UGT1A4: variants seen among roughly 807,000 people sequenced by gnomAD.
UGT1A4 encodes UDP-glucuronosyltransferase 1A4.
Under a neutral mutation model 41.1 loss-of-function variants are expected in UGT1A4, and 32 were observed. The ratio of observed to expected loss-of-function variants is 0.78; its 90% CI spans 0.59 to 1.05. The LOEUF (loss-of-function observed/expected upper bound fraction) is 1.05, where lower values mean the gene tolerates loss of function less well. Among genes scored for constraint, UGT1A4 ranks in the 50% least tolerant of loss-of-function variants. The probability of loss-of-function intolerance (pLI) is 0.00; values close to 1 mark genes in which losing one functional copy is unlikely to be tolerated. For synonymous variants in UGT1A4, 283 were observed against 265.1 expected (o/e 1.07, Z -0.66); for missense variants, 748 against 677.4 (o/e 1.10, Z -1.16).
intron 1 of UGT1A4, among the ~76,000 whole-genome samples, chr2:233,727,867 C>G (rs1213003028): frequency 6.6e-6 from 1 of 152,194 alleles, no homozygotes; most frequent in Non-Finnish European, 1.5e-5. Context: ...AGGGAAGCCT[C>G]AGCCTCACCA....
chr2:233,767,305 G>GT (rs1444114295), intron 2 of UGT1A4, 140 bp downstream of exon 2: 37 of 1,518,952 alleles, frequency 2.4e-5, no homozygotes, highest in Admixed American at 1.8e-4. Flanking sequence ...TAATCCAAAG[G>GT]TTTTTTTTGT....
intron 1 of UGT1A4, chr2:233,729,151 C>T (rs780105483): frequency 1.2e-6 from 2 of 1,613,562 alleles, no homozygotes; most frequent in Non-Finnish European, 1.7e-6. Flanking sequence ...CCAGGTTCCC[C>T]TGCCGTGGCT....
intron 1 of UGT1A4, among the ~76,000 whole-genome samples, chr2:233,757,815 T>G (rs4399719): frequency 0.55 from 83,125 of 151,008 alleles, 25,001 homozygotes; most frequent in African/African-American, 0.81. Context: ...AAGGAGCTGG[T>G]AGTGTGTCTG....
intron 1 of UGT1A4, among the ~76,000 whole-genome samples, chr2:233,725,821 C>A (rs539043727): frequency 6.6e-6 from 1 of 152,130 alleles, no homozygotes; most frequent in South Asian, 2.1e-4. Flanking sequence ...TATTGGATAC[C>A]AGTATTGCTA....
chr2:233,740,156 C>T (rs578012287), intron 1 of UGT1A4, among the ~76,000 whole-genome samples: 1 of 151,870 alleles, frequency 6.6e-6, no homozygotes, highest in Non-Finnish European at 1.5e-5. Context: ...GAGGCCTCCC[C>T]AGTCATGTGG....
At chr2:233,729,623 C>T (rs142986334) in intron 1 of UGT1A4, 391 of 1,613,794 alleles carry the variant, frequency 2.4e-4, no homozygotes, top group Non-Finnish European at 3.1e-4. Context: ...AAGTACCTGT[C>T]GATTCCTACT....
intron 1 of UGT1A4, among the ~76,000 whole-genome samples, chr2:233,730,802 A>T (rs1344398093): frequency 1.3e-5 from 2 of 152,196 alleles, no homozygotes; most frequent in Non-Finnish European, 2.9e-5. Flanking sequence ...ATGAATGGAC[A>T]TGCGTCCAAG....
At chr2:233,767,974 G>A (rs1338835560) in intron 3 of UGT1A4, 38 bp downstream of exon 3, 1 of 1,613,994 alleles carries the variant, frequency 6.2e-7, no homozygotes, top group Non-Finnish European at 8.5e-7. Context: ...TCAAACCAGG[G>A]TCAAATTAAG....
At chr2:233,749,248 AT>A (rs1216234192) in intron 1 of UGT1A4, among the ~76,000 whole-genome samples, 1 of 151,808 alleles carries the variant, frequency 6.6e-6, no homozygotes, top group Admixed American at 6.6e-5. Flanking sequence ...AAACCACATG[AT>A]TTTTTTATTG....
At chr2:233,731,048 G>A (rs1354846386) in intron 1 of UGT1A4, among the ~76,000 whole-genome samples, 4 of 152,194 alleles carry the variant, frequency 2.6e-5, no homozygotes, top group African/African-American at 9.7e-5. Context: ...TTCACCGAAT[G>A]TGTATGAACT....
chr2:233,718,866 C>T lies in UGT1A4; in HGVS notation c.46C>T (p.Leu16=). ...TCCCCTGCCGCGGCTGGCCACAGGA[C>T]TGCTGCTCCTCCTCAGTGTCCAGCC... is the stretch of plus-strand genomic sequence containing the variant. The part of the protein sequence containing the change: ...QVPLPRLATG[L]LLLLSVQPWA... Residue 16 remains leucine (L), a synonymous_variant, in exon 1 of 5, where the codon CTG becomes TTG. Transcript: ENST00000373409. The T allele has an allele frequency of 6.2e-7, 1 of 1,613,892 alleles. No homozygotes were observed. The highest frequency in any genetic ancestry group is 8.5e-7 in the Non-Finnish European group (1 of 1,179,934).
chr2:233,749,337 T>C (rs10179091), intron 1 of UGT1A4, among the ~76,000 whole-genome samples: 73,841 of 151,468 alleles, frequency 0.49, 18,755 homozygotes, highest in South Asian at 0.6. Context: ...TGTTGAAAAG[T>C]GGGATGGAAT....
intron 4 of UGT1A4, among the ~76,000 whole-genome samples, chr2:233,771,914 AAC>A (rs1700408525): frequency 6.6e-6 from 1 of 152,068 alleles, no homozygotes; most frequent in African/African-American, 2.4e-5. Flanking sequence ...TGATAATAGT[AAC>A]ACAGCCTGGG....
intron 1 of UGT1A4, among the ~76,000 whole-genome samples, chr2:233,757,535 A>AATATATATACATATATATATAT (rs376887521): frequency 4.4e-4 from 39 of 88,152 alleles, no homozygotes; most frequent in African/African-American, 6.0e-4. Flanking sequence ...GCCTGTAAGG[A>AATATATATACATATATATATAT]ATATATATAT....
chr2:233,725,175 T>C (rs1280099835), intron 1 of UGT1A4, among the ~76,000 whole-genome samples: 1 of 81,992 alleles, frequency 1.2e-5, no homozygotes, highest in African/African-American at 7.9e-5. Context: ...AGGGAGACCG[T>C]GGGGAGAGGC....
intron 1 of UGT1A4, among the ~76,000 whole-genome samples, chr2:233,725,209 CAGAGGCAGAGGA>C (rs2077393142): frequency 1.2e-5 from 1 of 85,868 alleles, no homozygotes; most frequent in East Asian, 2.5e-4. Flanking sequence ...GAGGCAGAGG[CAGAGGCAGAGGA>C]GGCAGAGGCA....
intron 1 of UGT1A4, chr2:233,741,470 G>C (rs1212824071): frequency 1.3e-5 from 2 of 150,616 alleles, no homozygotes; most frequent in East Asian, 3.8e-4. Context: ...ACACATGTAA[G>C]TTCCCTCGTC....
At chr2:233,753,255 C>T (rs1695165382) in intron 1 of UGT1A4, 1 of 152,170 alleles carries the variant, frequency 6.6e-6, no homozygotes, top group Non-Finnish European at 1.5e-5. Context: ...AAGCAACTAC[C>T]CAGGCACCTT....
intron 1 of UGT1A4, among the ~76,000 whole-genome samples, chr2:233,766,257 AGTGGCCCGGGCTCG>A (rs36213637): frequency 0.33 from 50,708 of 151,412 alleles, 8,925 homozygotes; most frequent in African/African-American, 0.42. Context: ...CAGACCGCTC[AGTGGCCCGGGCTCG>A]GTGGCCCGGG....
Sources: gnomAD v4.1 joint callset for allele counts (sites outside exome capture counted in the v4.1 genomes callset) on GRCh38, gnomAD v4.1.1 for gene constraint, MANE v1.5 for transcripts, NCBI Gene and HGNC (gene_info 2026-07-23, HGNC 2026-07-21) for gene names.